The following CCP110 variants were observed in gnomAD, a reference collection of about 807,000 sequenced individuals.
The protein encoded by CCP110 is centriolar coiled-coil protein 110.
A neutral mutation model predicts 105.5 loss-of-function variants in CCP110; 43 were observed. That is an observed-to-expected ratio of 0.41 (90% confidence interval 0.32 to 0.53). The LOEUF (loss-of-function observed/expected upper bound fraction) is 0.53. Ranked by LOEUF, CCP110 falls within the 20% of genes least tolerant of loss-of-function variation. CCP110 has a pLI of 0.32. For synonymous variants in CCP110, 353 were observed against 392.1 expected, an observed-to-expected ratio of 0.90 and a Z score of 1.18; for missense variants, 1,016 against 1,189.1, an observed-to-expected ratio of 0.85 and a Z score of 2.14.
intron 6 of CCP110, 69 bp downstream of exon 6, chr16:19,542,133 A>G (rs1970310119): frequency 2.9e-6 from 3 of 1,027,476 alleles, no homozygotes; most frequent in South Asian, 1.7e-5. Context: ...TTGGCACACT[A>G]TAAGATTATA....
rs1970533127 is a variant in CCP110, at chr16:19,548,481, C to T, written c.2901-34C>T. The T allele has an allele frequency of 5.3e-6, 7 of 1,317,820 alleles. No individual in the cohort carries two copies. Among genetic ancestry groups the T allele is most frequent in the Non-Finnish European group, 5.3e-6 (5 of 948,358 alleles). 81.6% of individuals were successfully genotyped at this position (1,317,820 alleles called of 1,614,324 possible). On this transcript the variant is annotated intron_variant, in intron 13 of 14. Transcript: ENST00000381396. The surrounding 1 kb of genome is among the most constrained non-coding windows in gnomAD (Gnocchi z 4.1). The stretch of plus-strand genomic sequence containing the variant: ...AATTTTGAACATTTAGACCTTAATG[C>T]CAGTGACTTATTAATTTTTTTATAT...
chr16:19,532,775 C>T (rs8056827), intron 3 of CCP110, among the ~76,000 whole-genome samples: 2,671 of 152,280 alleles, frequency 0.018, 89 homozygotes, highest in African/African-American at 0.062. Context: ...TAGAACCATA[C>T]ACTGAATATA....
intron 14 of CCP110, among the ~76,000 whole-genome samples, chr16:19,549,339 C>T (rs1277436754): frequency 6.6e-6 from 1 of 152,202 alleles, no homozygotes; most frequent in East Asian, 1.9e-4. Flanking sequence ...CTAAATTAAT[C>T]ACCAGGCATT....
exon 6 of CCP110, chr16:19,542,009 G>A: frequency 6.2e-7 from 1 of 1,611,310 alleles, no homozygotes; most frequent in Non-Finnish European, 8.5e-7. Flanking sequence ...CTAGTTTGCT[G>A]GAAACAATGC....
intron 7 of CCP110, 51 bp downstream of exon 7, chr16:19,542,811 G>C: frequency 6.5e-7 from 1 of 1,539,224 alleles, no homozygotes; most frequent in Non-Finnish European, 9.0e-7. Context: ...CTTTTCTTAA[G>C]AGCTATATTA....
In CCP110 at chr16:19,532,404, G is replaced by T. The variant is rs766701545; in HGVS notation, c.142-12G>T. On this transcript the variant is annotated splice_polypyrimidine_tract_variant and intron_variant, in intron 2 of 14. Transcript: ENST00000381396. Reference sequence around the variant, plus strand: ...TCGTGGGAAATAATTACATTTTTATGATGTTTTGCAGCTTAACATTGAGAA... The same window carrying T: ...TCGTGGGAAATAATTACATTTTTATTATGTTTTGCAGCTTAACATTGAGAA... The T allele has an allele frequency of 6.4e-7, 1 of 1,566,658 alleles. No individual in the cohort carries two copies. Among genetic ancestry groups the T allele is most frequent in the African/African-American group, 1.4e-5 (1 of 72,336 alleles).
intron 4 of CCP110, among the ~76,000 whole-genome samples, chr16:19,539,178 T>C (rs1277932786): frequency 6.6e-6 from 1 of 152,044 alleles, no homozygotes; most frequent in Admixed American, 6.6e-5. Context: ...TTTTTTCTGT[T>C]GTATCCATTA....
chr16:19,527,957 C>T, exon 2 of CCP110: 1 of 1,613,746 alleles, frequency 6.2e-7, no homozygotes, highest in Non-Finnish European at 8.5e-7. Context: ...AGAGAGCTTT[C>T]TCCCTGCTCA....
In CCP110 at chr16:19,545,893, A is replaced by G. The variant is rs1368701686; in HGVS notation, c.2777+3A>G. On this transcript the variant is annotated splice_donor_region_variant and intron_variant, in intron 11 of 14. Coordinates refer to ENST00000381396, the Ensembl canonical transcript of CCP110. ...CTTGATAGGAAGAAATACATGAAGT[A>G]AGTTTTTTGTATCATGTCATGTTAG... is the stretch of plus-strand genomic sequence containing the variant. The G allele has an allele frequency of 1.3e-6, 2 of 1,563,258 alleles. No individual in the cohort carries two copies. The highest frequency in any genetic ancestry group is 1.7e-5 in the Admixed American group (1 of 59,578).
intron 2 of CCP110, among the ~76,000 whole-genome samples, 169 bp from the exon 3 acceptor site, chr16:19,532,247 A>G (rs567458355): frequency 3.0e-4 from 46 of 152,346 alleles, no homozygotes; most frequent in Non-Finnish European, 4.9e-4. Context: ...CACCATGGAA[A>G]GATCTCTAAT....
Position 19,532,549 on chromosome 16 carries a change from G to T in CCP110, c.270+5G>T, listed in dbSNP as rs1969911054. ...GAGATTCTTGACAATGTTCAGGTGTGTGATTTTAGCTGTTTCAGTTATAAT... is the reference window on the plus strand; with the variant it reads ...GAGATTCTTGACAATGTTCAGGTGTTTGATTTTAGCTGTTTCAGTTATAAT... On this transcript the variant is annotated splice_donor_5th_base_variant and intron_variant, in intron 3 of 14. Coordinates refer to ENST00000381396, the Ensembl canonical transcript of CCP110. 6.3e-7 allele frequency: 1 copy of T among 1,580,826 alleles called. No homozygotes were observed. Among genetic ancestry groups the T allele is most frequent in the Admixed American group, 2.0e-5 (1 of 49,300 alleles).
At chr16:19,532,654 G>T (rs1969915772) in intron 3 of CCP110, 110 bp downstream of exon 3, 2 of 860,562 alleles carry the variant, frequency 2.3e-6, no homozygotes, top group Non-Finnish European at 3.5e-6. Context: ...GTACTTTACT[G>T]TTACGTTTGA....
chr16:19,532,302 A>G, intron 2 of CCP110, 114 bp from the exon 3 acceptor site: 1 of 771,192 alleles, frequency 1.3e-6, no homozygotes, highest in Non-Finnish European at 2.0e-6. Context: ...GATTTCTTTC[A>G]CTATACATTA....
intron 5 of CCP110, among the ~76,000 whole-genome samples, chr16:19,541,359 G>A (rs1404046862): frequency 7.2e-5 from 11 of 152,056 alleles, no homozygotes; most frequent in East Asian, 1.9e-4. Context: ...TAGCCTGGGC[G>A]TGGTGGCTCA....
At chr16:19,542,129 C>T (rs1456508922) in intron 6 of CCP110, 65 bp downstream of exon 6, 7 of 1,128,682 alleles carry the variant, frequency 6.2e-6, no homozygotes, top group Non-Finnish European at 6.3e-6. Context: ...TTATTTGGCA[C>T]ACTATAAGAT....
intron 2 of CCP110, 84 bp downstream of exon 2, chr16:19,528,106 A>G: frequency 8.5e-7 from 1 of 1,180,246 alleles, no homozygotes. Flanking sequence ...AAGGCTTATA[A>G]ACATTTGAAG....
chr16:19,537,285 C>T (rs943712177), exon 4 of CCP110: 1 of 1,614,144 alleles, frequency 6.2e-7, no homozygotes, highest in Admixed American at 1.7e-5. Flanking sequence ...AGTTTGCAAA[C>T]AGAACTGAAT....
intron 10 of CCP110, among the ~76,000 whole-genome samples, chr16:19,545,561 A>G (rs994653772): frequency 1.7e-4 from 26 of 152,146 alleles, no homozygotes; most frequent in Admixed American, 7.9e-4. Context: ...AGTTAATTTG[A>G]AGTATATCAG....
chr16:19,547,999 T>C, exon 13 of CCP110: 1 of 1,610,840 alleles, frequency 6.2e-7, no homozygotes, highest in Non-Finnish European at 8.5e-7. Flanking sequence ...GTTCATAGGC[T>C]ACTTAGTAGA....
Sources: gnomAD v4.1 joint callset for allele counts (sites outside exome capture counted in the v4.1 genomes callset) on GRCh38, gnomAD v4.1.1 for gene constraint, Gnocchi (gnomAD v3.1) non-coding constraint, MANE v1.5 for transcripts, NCBI Gene and HGNC (gene_info 2026-07-23, HGNC 2026-07-21) for gene names.